Variants in PDE3A observed in about 807,000 individuals in gnomAD.
PDE3A encodes cGMP-inhibited 3',5'-cyclic phosphodiesterase 3A.
Under a neutral mutation model 98.3 loss-of-function variants are expected in PDE3A, and 43 were observed. That is an observed-to-expected ratio of 0.44 (90% CI 0.34 to 0.56). The LOEUF is 0.56. Among genes scored for constraint, PDE3A ranks in the 20% least tolerant of loss-of-function variants. The pLI is 0.01. For synonymous variants in PDE3A, 663 were observed against 567.9 expected (o/e 1.17, Z -2.38); for missense variants, 1,427 against 1,440.7 (o/e 0.99, Z 0.15).
intron 1 of PDE3A, among the ~76,000 whole-genome samples, chr12:20,527,423 A>G (rs7489188): frequency 0.18 from 27,060 of 152,120 alleles, 2,928 homozygotes; most frequent in South Asian, 0.25. Context: ...TTCTCTAATA[A>G]TAATAGCAAA....
intron 1 of PDE3A, among the ~76,000 whole-genome samples, chr12:20,505,113 T>C (rs999458435): frequency 2.0e-5 from 3 of 152,116 alleles, no homozygotes; most frequent in Non-Finnish European, 2.9e-5. Context: ...TCCATTCTTT[T>C]AAGTTTAGAT....
chr12:20,673,703 T>G (rs1592173408), intron 15 of PDE3A, among the ~76,000 whole-genome samples: 2 of 85,290 alleles, frequency 2.3e-5, no homozygotes, highest in East Asian at 4.1e-4. Context: ...TGTTGTGGGG[T>G]GGGGGGAGGG....
chr12:20,435,803 C>T lies in PDE3A; in HGVS notation c.960+65559C>T, dbSNP rs74065087. Reference sequence around the variant, plus strand: ...CTAGGGGTGATTAAATTTTAGACCGCAAGTGTGGACTAACCGTTATTAGTA... The same window carrying T: ...CTAGGGGTGATTAAATTTTAGACCGTAAGTGTGGACTAACCGTTATTAGTA... On this transcript the variant is annotated intron_variant, in intron 1 of 15. Transcript: ENST00000359062. Among the ~76,000 whole-genome samples the T allele has an allele frequency of 5.8e-3, 881 of 152,250 alleles. 12 individuals carry two copies. Among genetic ancestry groups the T allele is most frequent in the African/African-American group, 0.021 (853 of 41,548 alleles).
At chr12:20,444,895 T>A (rs1944929522) in intron 1 of PDE3A, among the ~76,000 whole-genome samples, 1 of 152,208 alleles carries the variant, frequency 6.6e-6, no homozygotes, top group Non-Finnish European at 1.5e-5. Flanking sequence ...AGCTTGAGTA[T>A]ATTCAAAGTA....
At chr12:20,419,025 T>C (rs992779643) in intron 1 of PDE3A, among the ~76,000 whole-genome samples, 1 of 152,178 alleles carries the variant, frequency 6.6e-6, no homozygotes, top group Non-Finnish European at 1.5e-5. Flanking sequence ...AATTCTTGGT[T>C]GCACTTCTGA....
At chr12:20,653,240 T>A (rs1430966329) in intron 14 of PDE3A, among the ~76,000 whole-genome samples, 1 of 152,138 alleles carries the variant, frequency 6.6e-6, no homozygotes, top group Admixed American at 6.5e-5. Flanking sequence ...TATATTAAAA[T>A]TCAAACAAAA....
intron 10 of PDE3A, among the ~76,000 whole-genome samples, chr12:20,643,836 T>A (rs1165307007): frequency 2.0e-5 from 3 of 152,146 alleles, no homozygotes; most frequent in Non-Finnish European, 4.4e-5. Flanking sequence ...TTTGTTTTTT[T>A]AAAATAAAAC....
chr12:20,618,565 G>A (rs1184438107), intron 4 of PDE3A, among the ~76,000 whole-genome samples: 2 of 152,042 alleles, frequency 1.3e-5, no homozygotes, highest in Non-Finnish European at 2.9e-5. Context: ...AAGGGTCTTG[G>A]CCCTACCAAC....
intron 15 of PDE3A, among the ~76,000 whole-genome samples, chr12:20,666,387 A>G (rs1945313165): frequency 6.6e-6 from 1 of 152,158 alleles, no homozygotes. Context: ...TCTAACTAGT[A>G]TGTTTGTGCT....
intron 1 of PDE3A, among the ~76,000 whole-genome samples, chr12:20,513,425 A>T (rs1331140588): frequency 2.0e-5 from 3 of 152,184 alleles, no homozygotes; most frequent in Non-Finnish European, 2.9e-5. Context: ...AAACTATTTC[A>T]TGAGTAATAG....
chr12:20,404,565 T>C, intron 1 of PDE3A, among the ~76,000 whole-genome samples: 1 of 152,296 alleles, frequency 6.6e-6, no homozygotes, highest in East Asian at 1.9e-4. Context: ...CTTTAAACTT[T>C]TTTATTGATT....
At chr12:20,582,765 G>C (rs1943100544) in intron 2 of PDE3A, among the ~76,000 whole-genome samples, 1 of 152,118 alleles carries the variant, frequency 6.6e-6, no homozygotes, top group Non-Finnish European at 1.5e-5. Flanking sequence ...TTTTTAATGT[G>C]ATTCTTGATT....
chr12:20,616,751 T>TC, intron 4 of PDE3A, among the ~76,000 whole-genome samples: 1 of 151,886 alleles, frequency 6.6e-6, no homozygotes, highest in East Asian at 1.9e-4. Context: ...TGATATGAGA[T>TC]CCCCCAGCCC....
chr12:20,571,812 C>T, intron 2 of PDE3A: 1 of 574,208 alleles, frequency 1.7e-6, no homozygotes, highest in Non-Finnish European at 2.2e-6. Context: ...ACTTAGAACA[C>T]TATGCAAAAT....
At chr12:20,559,031 T>A (rs1942443822) in intron 2 of PDE3A, among the ~76,000 whole-genome samples, 1 of 152,162 alleles carries the variant, frequency 6.6e-6, no homozygotes, top group African/African-American at 2.4e-5. Context: ...TTTGTATATA[T>A]AATTCACATA....
intron 1 of PDE3A, among the ~76,000 whole-genome samples, chr12:20,387,841 G>A (rs1943840608): frequency 6.6e-6 from 1 of 151,916 alleles, no homozygotes; most frequent in African/African-American, 2.4e-5. Flanking sequence ...TAAATCACAT[G>A]GGAAAATACT....
At chr12:20,381,574 CAG>C (rs554814718) in intron 1 of PDE3A, among the ~76,000 whole-genome samples, 12 of 151,848 alleles carry the variant, frequency 7.9e-5, no homozygotes, top group Non-Finnish European at 1.8e-4. Context: ...CAAAAGCACT[CAG>C]GGGACGATGG....
chr12:20,454,446 G>A (rs1945119967), intron 1 of PDE3A, among the ~76,000 whole-genome samples: 1 of 152,202 alleles, frequency 6.6e-6, no homozygotes, highest in Non-Finnish European at 1.5e-5. Flanking sequence ...CGTAAGCTCA[G>A]TAAGAGGAGG....
chr12:20,462,813 C>T (rs1433988858), intron 1 of PDE3A, among the ~76,000 whole-genome samples: 4 of 151,100 alleles, frequency 2.6e-5, no homozygotes, highest in Non-Finnish European at 4.4e-5. Context: ...TTTTATGAGT[C>T]AGCATCTCAC....
Sources: gnomAD v4.1 joint callset for allele counts (sites outside exome capture counted in the v4.1 genomes callset) on GRCh38, gnomAD v4.1.1 for gene constraint, MANE v1.5 for transcripts, NCBI Gene and HGNC (gene_info 2026-07-23, HGNC 2026-07-21) for gene names.